GLI3: variants seen among roughly 807,000 people sequenced by gnomAD.
The protein encoded by GLI3 is transcription activator GLI3.
GLI3 carries 20 observed loss-of-function variants against 100.8 expected under a neutral mutation model. The ratio of observed to expected loss-of-function variants is 0.20; its 90% CI spans 0.14 to 0.29. The LOEUF (loss-of-function observed/expected upper bound fraction) is 0.29. GLI3 is among the 10% of genes least tolerant of loss of function. The probability of loss-of-function intolerance (pLI) is 1.00; values close to 1 mark genes in which losing one functional copy is unlikely to be tolerated. For missense variants in GLI3, 2,040 were observed against 2,128.5 expected (o/e 0.96, Z 0.82); for synonymous variants, 938 against 860.5 (o/e 1.09, Z -1.58).
chr7:42,113,336 A>G (rs768522460), intron 3 of GLI3: 20 of 634,370 alleles, frequency 3.2e-5, no homozygotes, highest in Non-Finnish European at 5.8e-5. Context: ...TGTGCCCAGC[A>G]CCTACGTCCC....
chr7:42,005,554 C>T (rs1391929234), intron 10 of GLI3, among the ~76,000 whole-genome samples: 2 of 151,152 alleles, frequency 1.3e-5, no homozygotes, highest in East Asian at 3.9e-4. Flanking sequence ...ATTGAGTGAA[C>T]ACGGTGCTGC....
intron 9 of GLI3, among the ~76,000 whole-genome samples, chr7:42,024,112 C>T (rs1417100794): frequency 6.6e-6 from 1 of 152,166 alleles, no homozygotes; most frequent in African/African-American, 2.4e-5. Context: ...GCTGTTTTCG[C>T]TGCTGTTGGA....
At chr7:42,003,551 ATTTAG>A (rs1017729429) in intron 10 of GLI3, among the ~76,000 whole-genome samples, 5 of 152,242 alleles carry the variant, frequency 3.3e-5, no homozygotes, top group African/African-American at 9.6e-5. Flanking sequence ...TACAGCAGGC[ATTTAG>A]TTTAAATAAC....
At chr7:42,184,969 T>G (rs1212404083) in intron 2 of GLI3, among the ~76,000 whole-genome samples, 3 of 152,096 alleles carry the variant, frequency 2.0e-5, no homozygotes, top group Admixed American at 2.0e-4. Flanking sequence ...CATTCCCTAA[T>G]AAACATCCTG....
intron 3 of GLI3, among the ~76,000 whole-genome samples, chr7:42,121,349 G>A (rs1453221744): frequency 6.6e-6 from 1 of 152,236 alleles, no homozygotes; most frequent in African/African-American, 2.4e-5. Flanking sequence ...CCCTGGGGAT[G>A]CAGATGCTGC....
chr7:41,995,479 G>A (rs1056550376), intron 10 of GLI3, among the ~76,000 whole-genome samples: 1 of 152,030 alleles, frequency 6.6e-6, no homozygotes, highest in African/African-American at 2.4e-5. Flanking sequence ...GGGTTTTCCT[G>A]ATGTTCAGAG....
chr7:42,017,699 G>A (rs1004858895), intron 10 of GLI3, among the ~76,000 whole-genome samples: 4 of 152,170 alleles, frequency 2.6e-5, no homozygotes, highest in Admixed American at 2.0e-4. Flanking sequence ...CACACAATGC[G>A]GAAGAAAAAG....
intron 4 of GLI3, among the ~76,000 whole-genome samples, chr7:42,068,129 C>A (rs1178872293): frequency 1.3e-5 from 2 of 152,248 alleles, no homozygotes; most frequent in Non-Finnish European, 2.9e-5. Context: ...TTCCTGCACA[C>A]GTGTGTAGAC....
intron 10 of GLI3, among the ~76,000 whole-genome samples, chr7:41,994,428 C>G (rs1177600710): frequency 6.6e-6 from 1 of 152,118 alleles, no homozygotes; most frequent in Non-Finnish European, 1.5e-5. Context: ...TAAGGTTGGT[C>G]CTACAGAATT....
chr7:42,242,028 C>T (rs1016706097), upstream of GLI3, among the ~76,000 whole-genome samples: 4 of 152,298 alleles, frequency 2.6e-5, no homozygotes, highest in Middle Eastern at 3.4e-3. Flanking sequence ...CTTGAGGTCT[C>T]TCCTTCCTTC....
chr7:42,235,214 T>C (rs1164770062), intron 1 of GLI3, among the ~76,000 whole-genome samples: 1 of 152,184 alleles, frequency 6.6e-6, no homozygotes, highest in Admixed American at 6.5e-5. Context: ...AAAACCTAAA[T>C]GAAATAATTA....
At chr7:42,170,086 C>T (rs908669638) in intron 2 of GLI3, among the ~76,000 whole-genome samples, 5 of 151,302 alleles carry the variant, frequency 3.3e-5, no homozygotes, top group Admixed American at 2.0e-4. Flanking sequence ...CCTGCCTCTA[C>T]TAAAAATACA....
chr7:42,051,399 G>GTA (rs1784348787), intron 4 of GLI3, among the ~76,000 whole-genome samples: 1 of 152,130 alleles, frequency 6.6e-6, no homozygotes, highest in Non-Finnish European at 1.5e-5. Flanking sequence ...CATGTACTGA[G>GTA]CCTAGTATAT....
rs369370233 is a variant in GLI3, at chr7:42,248,310, A to G, written c.-43+15684T>C. On this transcript the variant is annotated intron_variant, in intron 1 of 2. Transcript: ENST00000678978. ...GCCATAATCAGGAGTGGAGATACTG[A>G]CTAAGAATCTGGACTAAAATAAATC... is the stretch of plus-strand genomic sequence containing the variant. 7.2e-5 allele frequency among the ~76,000 whole-genome samples: 11 copies of G among 152,190 alleles called. No homozygotes were observed. The East Asian group carries it at 9.6e-4, about 13-fold the overall frequency.
intron 10 of GLI3, among the ~76,000 whole-genome samples, chr7:42,004,944 C>CAA (rs1409154781): frequency 6.6e-6 from 1 of 151,948 alleles, no homozygotes; most frequent in Non-Finnish European, 1.5e-5. Flanking sequence ...AGGAACAATC[C>CAA]AAATTAGGAA....
chr7:42,002,819 G>A (rs879555954), intron 10 of GLI3, among the ~76,000 whole-genome samples: 17 of 152,208 alleles, frequency 1.1e-4, no homozygotes, highest in Admixed American at 2.0e-4. Flanking sequence ...AATGTGACAA[G>A]AGACAAGCTG....
intron 3 of GLI3, among the ~76,000 whole-genome samples, chr7:42,085,393 G>C (rs1785082773): frequency 6.6e-6 from 1 of 152,108 alleles, no homozygotes; most frequent in South Asian, 2.1e-4. Flanking sequence ...AAATAAGATA[G>C]TATATTTCAT....
At chr7:41,996,648 G>A (rs904814957) in intron 10 of GLI3, among the ~76,000 whole-genome samples, 4 of 152,198 alleles carry the variant, frequency 2.6e-5, no homozygotes, top group South Asian at 2.1e-4. Flanking sequence ...AATCCTAAAC[G>A]TAAAAACAGT....
chr7:41,970,724 A>G (rs1260052399), intron 13 of GLI3, among the ~76,000 whole-genome samples: 3 of 152,194 alleles, frequency 2.0e-5, no homozygotes, highest in Admixed American at 2.0e-4. Context: ...TGTACACTAA[A>G]AGTAGAAGAG....
Sources: gnomAD v4.1 joint callset for allele counts (sites outside exome capture counted in the v4.1 genomes callset) on GRCh38, gnomAD v4.1.1 for gene constraint, MANE v1.5 for transcripts, NCBI Gene and HGNC (gene_info 2026-07-23, HGNC 2026-07-21) for gene names.